Variants in FIGNL2 observed in about 807,000 individuals in gnomAD.
The protein encoded by FIGNL2 is fidgetin like 2.
For synonymous variants in FIGNL2, 565 were observed against 484.0 expected (o/e 1.17, Z -2.20); for missense variants, 1,060 against 950.2 (o/e 1.12, Z -1.52).
rs1939777622 is a variant in FIGNL2 at position 51,847,534 on chromosome 12, T to C, written c.-12+1006A>G. On this transcript the variant is annotated intron_variant, in intron 1 of 1. Transcript: ENST00000618634. The stretch of plus-strand genomic sequence containing the variant: ...GCCTGACAGCCCTACGGCCTAATCC[T>C]GATTTAGTGACCGTCCCTTTAACAG... 11 of 985,326 alleles carry C rather than the reference T, an allele frequency of 1.1e-5. No homozygotes were observed. The South Asian group carries it at 4.7e-4, about 42-fold the overall frequency. The allele number at this position is 985,326 out of a possible 1,614,324, so 61.0% of individuals were successfully genotyped here. A position where few individuals can be genotyped will look rare whatever the true frequency, so the allele number is the denominator to read the frequency against.
rs192539565 is a variant in FIGNL2 at position 51,847,043 on chromosome 12, C to T, written c.-12+1497G>A. 2.0e-4 allele frequency: 193 copies of T among 985,354 alleles called. 1 individual carries two copies. The African/African-American group carries it at 3.0e-3, about 15-fold the overall frequency. The allele number at this position is 985,354 out of a possible 1,614,324, so 61.0% of individuals were successfully genotyped here. On this transcript the variant is annotated intron_variant, in intron 1 of 1. Coordinates refer to ENST00000618634, the MANE Select transcript of FIGNL2 (RefSeq NM_001384995.1). ...CCCGCCCCGCCCCCTGCCCGCAGCTCGCGCGGCCGCCCGGTACCCGCGTCC... is the reference window on the plus strand; with the variant it reads ...CCCGCCCCGCCCCCTGCCCGCAGCTTGCGCGGCCGCCCGGTACCCGCGTCC...
At chr12:51,847,153 C>T (rs895862495) in intron 1 of FIGNL2, 107 of 985,278 alleles carry the variant, frequency 1.1e-4, no homozygotes, top group Non-Finnish European at 1.3e-4. Flanking sequence ...GGAATGGCGT[C>T]GGTTCCGGAC....
chr12:51,838,197 G>A (rs762615491), intron 1 of FIGNL2, among the ~76,000 whole-genome samples: 2 of 152,204 alleles, frequency 1.3e-5, no homozygotes, highest in Non-Finnish European at 2.9e-5. Context: ...TGGGCCCTGG[G>A]GGAAGAAAGG....
chr12:51,818,434 C>T lies in FIGNL2; in HGVS notation c.*2018G>A, dbSNP rs1463556394. The T allele has an allele frequency of 4.6e-5, 7 of 152,176 alleles. No individual in the cohort carries two copies. The highest frequency in any genetic ancestry group is 1.2e-4 in the African/African-American group (5 of 41,422). 9.4% of individuals were successfully genotyped at this position (152,176 alleles called of 1,614,324 possible). ...AGAACCCCTCACTCCATGCTCCCTC[C>T]GAGGGTCTTTTGCAGCCTGCGGCTG... On this transcript the variant is annotated 3_prime_UTR_variant, in exon 2 of 2. Transcript: ENST00000618634.
Position 51,820,515 on chromosome 12 carries a change from C to T in FIGNL2, c.1899G>A (p.Arg633=). Residue 633 remains arginine (R), a synonymous_variant, in exon 2 of 2, where the codon AGG becomes AGA. Transcript: ENST00000618634. ...LEAALAKVGP[R]ASAKELDSFV... ...ACGAGTCCAGTTCCTTGGCAGAGGC[C>T]CTAGGGCCCACCTTGGCCAGCGCCG... is the stretch of plus-strand genomic sequence containing the variant. The T allele has an allele frequency of 6.3e-7, 1 of 1,575,840 alleles. No individual in the cohort carries two copies. Among genetic ancestry groups the T allele is most frequent in the Non-Finnish European group, 8.6e-7 (1 of 1,168,886 alleles).
chr12:51,832,289 T>C (rs1939487448), intron 1 of FIGNL2, among the ~76,000 whole-genome samples: 1 of 152,144 alleles, frequency 6.6e-6, no homozygotes, highest in Admixed American at 6.6e-5. Context: ...AGTGCTGTGA[T>C]TACAGGCGTG....
intron 1 of FIGNL2, among the ~76,000 whole-genome samples, chr12:51,839,622 C>T (rs1280626804): frequency 1.3e-5 from 2 of 152,236 alleles, no homozygotes; most frequent in Non-Finnish European, 2.9e-5. Flanking sequence ...CTTCCAGCTT[C>T]GGGCCCTTTC....
At position 51,819,684 on chromosome 12, in the gene FIGNL2, A is replaced by G. The variant is rs1272080541; in HGVS notation, c.*768T>C. The G allele has an allele frequency of 6.6e-6, 1 of 152,648 alleles. No homozygotes were observed. Among genetic ancestry groups the G allele is most frequent in the Non-Finnish European group, 1.5e-5 (1 of 68,066 alleles). The allele number at this position is 152,648 out of a possible 1,614,324, so 9.5% of individuals were successfully genotyped here. ...CACATTTTACAAAAATAAGAAGACT[A>G]AAATATGAAACAAGCTACATTTCTG... On this transcript the variant is annotated 3_prime_UTR_variant, in exon 2 of 2. Coordinates refer to ENST00000618634, the MANE Select transcript of FIGNL2 (RefSeq NM_001384995.1).
In FIGNL2 at chr12:51,818,015, A is replaced by G. The variant is rs552858184; in HGVS notation, c.*2437T>C. 1 of 152,654 alleles carries G rather than the reference A, an allele frequency of 6.6e-6. No homozygotes were observed. The highest frequency in any genetic ancestry group is 2.4e-5 in the African/African-American group (1 of 41,570). The allele number at this position is 152,654 out of a possible 1,614,324, so 9.5% of individuals were successfully genotyped here. ...ACAGGAGATAAATACGTCCATGTAC[A>G]ACACGCAGCAAAATGAGGTAGAAAT... is the stretch of plus-strand genomic sequence containing the variant. On this transcript the variant is annotated 3_prime_UTR_variant, in exon 2 of 2. Coordinates refer to ENST00000618634, the MANE Select transcript of FIGNL2 (RefSeq NM_001384995.1).
chr12:51,847,813 C>T, intron 1 of FIGNL2: 1 of 985,346 alleles, frequency 1.0e-6, no homozygotes, highest in Non-Finnish European at 1.2e-6. Context: ...GGAGAGGGCT[C>T]TTGCGGTGGG....
chr12:51,819,010 CCCCCACAAGTGA>C lies in FIGNL2; in HGVS notation c.*1430_*1441del, dbSNP rs1939108112. ...GGGGAAGGCACATTTCCTCACAGAG[CCCCCACAAGTGA>C]GGGATGCTCACTCCTCCTCAGAGCC... On this transcript the variant is annotated 3_prime_UTR_variant, in exon 2 of 2. Transcript: ENST00000618634. 6.6e-6 allele frequency: 1 copy of C among 152,248 alleles called. No homozygotes were observed. The highest frequency in any genetic ancestry group is 2.4e-5 in the African/African-American group (1 of 41,428). 9.4% of individuals were successfully genotyped at this position (152,248 alleles called of 1,614,324 possible). A position where few individuals can be genotyped will look rare whatever the true frequency, so the allele number is the denominator to read the frequency against.
At position 51,832,824 on chromosome 12, in the gene FIGNL2, C is replaced by G. The variant is rs1312294323; in HGVS notation, c.-11-10400G>C. 2.6e-5 allele frequency among the ~76,000 whole-genome samples: 4 copies of G among 152,148 alleles called. No individual in the cohort carries two copies. In the East Asian group the frequency reaches 7.7e-4, roughly 29 times the overall value. The stretch of plus-strand genomic sequence containing the variant: ...ATTTAATTGGCATAATTAACATGCC[C>G]AAAAGTGAAACTCCGGGCTCCCACA... On this transcript the variant is annotated intron_variant, in intron 1 of 1. Transcript: ENST00000618634.
In FIGNL2 at chr12:51,821,734, G is replaced by A; in HGVS notation, c.680C>T (p.Pro227Leu). The change falls in exon 2 of 2, where the codon CCG becomes CTG. Residue 227 changes from proline to leucine, a missense_variant. Transcript: ENST00000618634. ...CAGGCCCGGGGTCAGGTAGGGGGCC[G>A]GGGGTGGGCCTGGGGGCGGCGGGAG... is the stretch of plus-strand genomic sequence containing the variant. Reference protein sequence around the residue: ...GALPPPPGPPPAPYLTPGLPA... With the variant: ...GALPPPPGPPLAPYLTPGLPA... 2 of 1,305,736 alleles carry A rather than the reference G, an allele frequency of 1.5e-6. No individual in the cohort carries two copies. The highest frequency in any genetic ancestry group is 2.3e-5 in the South Asian group (1 of 42,672). The allele number at this position is 1,305,736 out of a possible 1,614,324, so 80.9% of individuals were successfully genotyped here.
At chr12:51,842,048 T>G (rs1939671882) in intron 1 of FIGNL2, 1 of 151,778 alleles carries the variant, frequency 6.6e-6, no homozygotes, top group African/African-American at 2.4e-5. Context: ...GGAAGGGCTC[T>G]CCCCTCCTCT....
intron 1 of FIGNL2, among the ~76,000 whole-genome samples, chr12:51,840,650 G>C (rs1332708103): frequency 1.3e-5 from 2 of 152,160 alleles, no homozygotes; most frequent in Non-Finnish European, 2.9e-5. Flanking sequence ...CAAGAGAATT[G>C]CTTGAACCCA....
intron 1 of FIGNL2, among the ~76,000 whole-genome samples, chr12:51,823,763 T>G (rs1939274967): frequency 6.6e-6 from 1 of 152,240 alleles, no homozygotes; most frequent in Non-Finnish European, 1.5e-5. Flanking sequence ...GGTTCAGTAT[T>G]CTTTCTTCAA....
intron 1 of FIGNL2, among the ~76,000 whole-genome samples, chr12:51,828,718 C>T (rs1939393896): frequency 6.6e-6 from 1 of 152,106 alleles, no homozygotes; most frequent in Admixed American, 6.5e-5. Context: ...AGTAGGTATC[C>T]CCCCAGGCCA....
chr12:51,822,759 T>A (rs1428287769), intron 1 of FIGNL2, among the ~76,000 whole-genome samples: 1 of 152,214 alleles, frequency 6.6e-6, no homozygotes, highest in Non-Finnish European at 1.5e-5. Flanking sequence ...ATCCTTACTT[T>A]CTATGAAGGA....
At chr12:51,831,797 C>T (rs746442078) in intron 1 of FIGNL2, 20 of 154,376 alleles carry the variant, frequency 1.3e-4, no homozygotes, top group Admixed American at 2.6e-4. Flanking sequence ...CTCATCAGCT[C>T]GCAAATATGC....
Sources: gnomAD v4.1 joint callset for allele counts (sites outside exome capture counted in the v4.1 genomes callset) on GRCh38, gnomAD v4.1.1 for gene constraint, MANE v1.5 for transcripts, NCBI Gene and HGNC (gene_info 2026-07-23, HGNC 2026-07-21) for gene names.